The following ANAPC4 variants were observed in gnomAD, a reference collection of about 807,000 sequenced individuals.
ANAPC4 encodes the protein anaphase-promoting complex subunit 4.
In ANAPC4, 63 loss-of-function variants were observed where a neutral mutation model predicts 119.8. The ratio of observed to expected loss-of-function variants is 0.53; its 90% confidence interval spans 0.43 to 0.65. The LOEUF is 0.65. Ranked by LOEUF, ANAPC4 falls within the 30% of genes least tolerant of loss-of-function variation. ANAPC4 has a pLI of 0.00. For missense variants in ANAPC4, 716 were observed against 945.1 expected, an observed-to-expected ratio of 0.76 and a Z score of 3.18; for synonymous variants, 283 against 318.6, an observed-to-expected ratio of 0.89 and a Z score of 1.19.
chr4:25,395,921 A>G (rs930477401), intron 14 of ANAPC4, among the ~76,000 whole-genome samples: 1 of 152,058 alleles, frequency 6.6e-6, no homozygotes, highest in African/African-American at 2.4e-5. Context: ...TCTCTTAAAA[A>G]CTTCTAATGC....
chr4:25,386,165 G>A (rs1390962981), intron 4 of ANAPC4, among the ~76,000 whole-genome samples: 4 of 151,888 alleles, frequency 2.6e-5, no homozygotes, highest in Admixed American at 6.6e-5. Flanking sequence ...CGCCCGCTTC[G>A]GCCTCCCAAA....
intron 8 of ANAPC4, 124 bp downstream of exon 8, chr4:25,390,344 G>A (rs1722277355): frequency 3.4e-6 from 2 of 586,974 alleles, no homozygotes; most frequent in Admixed American, 3.6e-5. Context: ...ATTCTTAAAT[G>A]TTCAGAGACT....
At chr4:25,399,230 T>A (rs1722820483) in intron 16 of ANAPC4, among the ~76,000 whole-genome samples, 1 of 152,162 alleles carries the variant, frequency 6.6e-6, no homozygotes, top group South Asian at 2.1e-4. Flanking sequence ...GTTAACAAAT[T>A]TAGGAATTTT....
At chr4:25,399,467 A>G (rs184307560) in intron 16 of ANAPC4, among the ~76,000 whole-genome samples, 6 of 146,390 alleles carry the variant, frequency 4.1e-5, no homozygotes, top group African/African-American at 1.2e-4. Flanking sequence ...ATCTTTTTTT[A>G]TGTTTCTCAT....
At chr4:25,391,721 A>G (rs1349414865) in intron 9 of ANAPC4, among the ~76,000 whole-genome samples, 1 of 152,248 alleles carries the variant, frequency 6.6e-6, no homozygotes, top group Admixed American at 6.5e-5. Flanking sequence ...TGAACTCTCA[A>G]ACAAAAGTAG....
Position 25,394,718 on chromosome 4 carries a change from A to C in ANAPC4, c.984+5A>C, listed in dbSNP as rs746876050. ...ATGAATCAGTTAACAGTAAAGGTGC[A>C]GTTAATGTATCTATGTATTCAAATG... On this transcript the variant is annotated splice_donor_5th_base_variant and intron_variant, in intron 13 of 28. Transcript: ENST00000315368. The C allele has an allele frequency of 6.2e-7, 1 of 1,605,014 alleles. No homozygotes were observed.
chr4:25,417,586 A>T (rs1723954631), intron 27 of ANAPC4, 30 bp from the exon 28 acceptor site: 4 of 1,547,740 alleles, frequency 2.6e-6, no homozygotes, highest in Non-Finnish European at 2.6e-6. Context: ...TCCCCTTTTC[A>T]TTCCTGAGTT....
At position 25,381,456 on chromosome 4, in the gene ANAPC4, G is replaced by A. The variant is rs114783141; in HGVS notation, c.235+977G>A. 6.6e-3 allele frequency among the ~76,000 whole-genome samples: 997 copies of A among 152,096 alleles called. 13 individuals are homozygous for A. The highest frequency in any genetic ancestry group is 0.023 in the African/African-American group (948 of 41,498). On this transcript the variant is annotated intron_variant, in intron 3 of 28. Coordinates refer to ENST00000315368, the MANE Select transcript of ANAPC4 (RefSeq NM_013367.3). ...CTCCTGAGTAACTAAGACTACAGGC[G>A]TGCACCTTCATCCCTGGCTAATTTT...
Position 25,415,484 on chromosome 4 carries a change from A to C in ANAPC4, c.1845A>C (p.Leu615=), listed in dbSNP as rs1200467844. The C allele has an allele frequency of 6.2e-7, 1 of 1,613,242 alleles. No homozygotes were observed. Among genetic ancestry groups the C allele is most frequent in the Admixed American group, 1.7e-5 (1 of 59,944 alleles). ...TDISQSVSNG[L]IAIKFGSFTY... The stretch of plus-strand genomic sequence containing the variant: ...CTTGAAGATCTGTGAGTAATGGACT[A>C]ATTGCTATTAAATTTGGGAGCTTTA... The change falls in exon 26 of 29, where the codon CTA becomes CTC. Residue 615 remains leucine, a synonymous_variant. Coordinates refer to ENST00000315368, the MANE Select transcript of ANAPC4 (RefSeq NM_013367.3).
At chr4:25,415,182 G>T (rs188756982) in intron 25 of ANAPC4, 4 of 288,514 alleles carry the variant, frequency 1.4e-5, no homozygotes, top group African/African-American at 6.5e-5. Context: ...TATTTAGAAC[G>T]CCATTGGTAG....
intron 7 of ANAPC4, among the ~76,000 whole-genome samples, chr4:25,389,359 A>G (rs1722215138): frequency 6.6e-6 from 1 of 152,054 alleles, no homozygotes; most frequent in African/African-American, 2.4e-5. Context: ...GGGTTTCACC[A>G]TGTTGGCCAG....
At chr4:25,397,909 C>T (rs1010353618) in intron 16 of ANAPC4, among the ~76,000 whole-genome samples, 1 of 151,704 alleles carries the variant, frequency 6.6e-6, no homozygotes, top group African/African-American at 2.4e-5. Flanking sequence ...ATAATTTACT[C>T]CTCCCTCTTT....
intron 27 of ANAPC4, 100 bp from the exon 28 acceptor site, chr4:25,417,516 T>C: frequency 8.4e-7 from 1 of 1,191,090 alleles, no homozygotes; most frequent in Non-Finnish European, 1.1e-6. Context: ...GAAGTATGAG[T>C]AGAAGTCAAA....
Position 25,414,647 on chromosome 4 carries a change from A to G in ANAPC4, c.1773A>G (p.Leu591=). ...SNLHYLLFTI[L]EDSLYKMCIL... ...TACATTATCTTCTTTTTACTATTCT[A>G]GAAGATTCACTTTATAAAATGTGCA... The change falls in exon 25 of 29, where the codon CTA becomes CTG. Residue 591 remains leucine, a synonymous_variant. Transcript: ENST00000315368. 6.4e-7 allele frequency: 1 copy of G among 1,552,958 alleles called. No individual in the cohort carries two copies. Among genetic ancestry groups the G allele is most frequent in the Non-Finnish European group, 8.8e-7 (1 of 1,141,720 alleles).
intron 16 of ANAPC4, among the ~76,000 whole-genome samples, chr4:25,401,730 A>G (rs140958256): frequency 6.6e-6 from 1 of 152,120 alleles, no homozygotes; most frequent in Non-Finnish European, 1.5e-5. Flanking sequence ...TTTCTTTTCT[A>G]TTGTTCTTTT....
intron 16 of ANAPC4, among the ~76,000 whole-genome samples, chr4:25,401,591 G>A (rs1288997773): frequency 1.3e-5 from 2 of 152,228 alleles, no homozygotes; most frequent in Admixed American, 6.5e-5. Flanking sequence ...TCTCCAAGGC[G>A]GAGGCTCCTT....
intron 3 of ANAPC4, among the ~76,000 whole-genome samples, chr4:25,381,702 C>A (rs1247208609): frequency 1.3e-5 from 2 of 152,112 alleles, no homozygotes; most frequent in Non-Finnish European, 2.9e-5. Flanking sequence ...GTAATCCCAG[C>A]ACTTTGGGAG....
intron 2 of ANAPC4, among the ~76,000 whole-genome samples, chr4:25,378,354 A>C (rs1721524066): frequency 6.6e-6 from 1 of 152,194 alleles, no homozygotes; most frequent in South Asian, 2.1e-4. Context: ...TGATAAGGAA[A>C]TCTTAGCACC....
At chr4:25,406,779 G>A (rs1395307715) in intron 18 of ANAPC4, 50 bp from the exon 19 acceptor site, 10 of 1,342,378 alleles carry the variant, frequency 7.4e-6, no homozygotes, top group Non-Finnish European at 9.4e-6. Flanking sequence ...TTCTTTTATT[G>A]AGCAGCTTTC....
Sources: gnomAD v4.1 joint callset for allele counts (sites outside exome capture counted in the v4.1 genomes callset) on GRCh38, gnomAD v4.1.1 for gene constraint, MANE v1.5 for transcripts, NCBI Gene and HGNC (gene_info 2026-07-23, HGNC 2026-07-21) for gene names.